Variants in TMTC2 observed in about 807,000 individuals in gnomAD.
TMTC2 encodes the protein protein O-mannosyl-transferase TMTC2.
In TMTC2, 43 loss-of-function variants were observed where a neutral mutation model predicts 82.4. That is an observed-to-expected ratio of 0.52 (90% CI 0.41 to 0.67). The LOEUF is 0.67. TMTC2 is among the 30% of genes least tolerant of loss of function. The pLI is 0.00. For synonymous variants in TMTC2, 408 were observed against 381.9 expected (o/e 1.07, Z -0.80); for missense variants, 919 against 1,012.4 (o/e 0.91, Z 1.25).
intron 4 of TMTC2, among the ~76,000 whole-genome samples, chr12:82,962,064 G>T (rs992199160): frequency 6.6e-6 from 1 of 151,972 alleles, no homozygotes; most frequent in Non-Finnish European, 1.5e-5. Flanking sequence ...GAGTGACTAG[G>T]ATCCGGCCCC....
At chr12:82,840,453 T>C (rs1359477386) in intron 1 of TMTC2, among the ~76,000 whole-genome samples, 1 of 152,262 alleles carries the variant, frequency 6.6e-6, no homozygotes, top group African/African-American at 2.4e-5. Flanking sequence ...TCCATTCTTA[T>C]GTTTAAATTT....
chr12:82,971,124 A>G (rs1878428510), intron 7 of TMTC2, among the ~76,000 whole-genome samples: 1 of 152,070 alleles, frequency 6.6e-6, no homozygotes, highest in Admixed American at 6.5e-5. Context: ...CCCTTATAAA[A>G]TAATCTCTTT....
chr12:83,094,954 A>G (rs1883972105), intron 11 of TMTC2, among the ~76,000 whole-genome samples: 1 of 152,242 alleles, frequency 6.6e-6, no homozygotes. Context: ...TACTTTTTAA[A>G]GTCACCGGAT....
intron 1 of TMTC2, among the ~76,000 whole-genome samples, chr12:82,699,545 G>C (rs1419727709): frequency 6.6e-6 from 1 of 152,044 alleles, no homozygotes; most frequent in Non-Finnish European, 1.5e-5. Context: ...AGTAGTTCTG[G>C]CAGTGTGGCG....
intron 11 of TMTC2, among the ~76,000 whole-genome samples, chr12:83,063,633 A>G (rs997802900): frequency 6.6e-6 from 1 of 151,936 alleles, no homozygotes; most frequent in Non-Finnish European, 1.5e-5. Context: ...CACTGAATAC[A>G]TAAGAGAAAG....
chr12:82,884,123 C>T (rs991414824), intron 2 of TMTC2, among the ~76,000 whole-genome samples: 1 of 152,118 alleles, frequency 6.6e-6, no homozygotes, highest in African/African-American at 2.4e-5. Context: ...ACTAATTGAA[C>T]TCTTTGGGTA....
In TMTC2 at chr12:83,106,713, A is replaced by G. The variant is rs375172959; in HGVS notation, c.2332-25497A>G. ...AGCAAGAGCACATTAAATGCACAAC[A>G]GTGAAAGATAGAAGACAATGGAATA... On this transcript the variant is annotated intron_variant, in intron 11 of 11. Transcript: ENST00000321196. Among the ~76,000 whole-genome samples the G allele has an allele frequency of 7.6e-4, 116 of 152,338 alleles. 1 individual carries two copies. The South Asian group carries it at 0.023, about 30-fold the overall frequency.
chr12:82,974,584 C>T (rs1878588553), intron 7 of TMTC2, among the ~76,000 whole-genome samples: 1 of 152,094 alleles, frequency 6.6e-6, no homozygotes, highest in Non-Finnish European at 1.5e-5. Context: ...GATGTGATAC[C>T]TATCCTCAGT....
intron 11 of TMTC2, 81 bp downstream of exon 11, chr12:83,061,912 G>GGTTTTTT: frequency 1.8e-6 from 2 of 1,110,560 alleles, no homozygotes; most frequent in Non-Finnish European, 2.5e-6. Flanking sequence ...TCATGATACT[G>GGTTTTTT]GTTTTTTGTT....
intron 2 of TMTC2, among the ~76,000 whole-genome samples, chr12:82,866,688 C>G (rs1408482149): frequency 6.6e-6 from 1 of 152,126 alleles, no homozygotes; most frequent in Non-Finnish European, 1.5e-5. Flanking sequence ...TTTCAATTCA[C>G]AGAAAATGAT....
intron 8 of TMTC2, among the ~76,000 whole-genome samples, chr12:83,014,778 AAT>A (rs1880602879): frequency 6.6e-6 from 1 of 152,278 alleles, no homozygotes; most frequent in African/African-American, 2.4e-5. Context: ...GCACTTCTTA[AAT>A]ATATGTTACC....
intron 4 of TMTC2, among the ~76,000 whole-genome samples, chr12:82,954,044 A>C (rs1465680727): frequency 6.6e-6 from 1 of 152,136 alleles, no homozygotes; most frequent in South Asian, 2.1e-4. Flanking sequence ...GAATAGCCAG[A>C]CTATTTATTA....
chr12:83,060,303 C>A (rs1300491911), intron 10 of TMTC2, among the ~76,000 whole-genome samples: 1 of 151,604 alleles, frequency 6.6e-6, no homozygotes, highest in African/African-American at 2.4e-5. Flanking sequence ...GAGATGTTAT[C>A]TTCAGTTATT....
chr12:82,773,450 G>T (rs1877416375), intron 1 of TMTC2, among the ~76,000 whole-genome samples: 1 of 150,480 alleles, frequency 6.6e-6, no homozygotes, highest in Non-Finnish European at 1.5e-5. Flanking sequence ...AGCAAAATGA[G>T]AAGTGATATT....
intron 11 of TMTC2, among the ~76,000 whole-genome samples, chr12:83,109,458 A>C (rs1884526428): frequency 6.6e-6 from 1 of 151,738 alleles, no homozygotes; most frequent in African/African-American, 2.4e-5. Context: ...TCAACCAGTC[A>C]CTCCCCAATT....
At chr12:83,127,805 A>C (rs1269534197) in intron 11 of TMTC2, among the ~76,000 whole-genome samples, 1 of 152,086 alleles carries the variant, frequency 6.6e-6, no homozygotes, top group Non-Finnish European at 1.5e-5. Flanking sequence ...TCTCCCCACC[A>C]CAATATACAT....
chr12:82,867,242 T>A (rs1389512189), intron 2 of TMTC2, among the ~76,000 whole-genome samples: 1 of 152,228 alleles, frequency 6.6e-6, no homozygotes, highest in African/African-American at 2.4e-5. Flanking sequence ...ATTATGGTCT[T>A]GATTAGTGAA....
intron 3 of TMTC2, among the ~76,000 whole-genome samples, chr12:82,916,873 A>G (rs972990854): frequency 2.2e-4 from 34 of 152,246 alleles, no homozygotes; most frequent in Admixed American, 1.1e-3. Flanking sequence ...TTAGAATTAC[A>G]TATAAGTACA....
chr12:82,964,688 G>A (rs915638648), intron 4 of TMTC2, among the ~76,000 whole-genome samples: 6 of 152,066 alleles, frequency 3.9e-5, no homozygotes, highest in Non-Finnish European at 7.4e-5. Context: ...CGAAGTGATG[G>A]GAAAATGTGC....
Sources: allele counts gnomAD v4.1 joint callset (sites outside exome capture counted in the v4.1 genomes callset), GRCh38; gene constraint gnomAD v4.1.1; transcripts MANE v1.5; gene names NCBI Gene and HGNC (gene_info 2026-07-23, HGNC 2026-07-21).